PKP2: variants seen among roughly 807,000 people sequenced by gnomAD.
PKP2 encodes the protein plakophilin 2.
PKP2 carries 73 observed loss-of-function variants against 83.4 expected under a neutral mutation model. The observed-to-expected ratio is 0.88, with a 90% confidence interval of 0.72 to 1.06. The LOEUF (loss-of-function observed/expected upper bound fraction) is 1.06. Among genes scored for constraint, PKP2 ranks in the 50% least tolerant of loss-of-function variants. The pLI is 0.00. For missense variants in PKP2, 966 were observed against 1,065.4 expected (o/e 0.91, Z 1.30); for synonymous variants, 409 against 430.4 (o/e 0.95, Z 0.62).
chr12:32,801,993 G>A (rs1956184569), intron 10 of PKP2, among the ~76,000 whole-genome samples: 1 of 152,040 alleles, frequency 6.6e-6, no homozygotes, highest in South Asian at 2.1e-4. Flanking sequence ...CACTATATGT[G>A]TTTTTCAAAT....
chr12:32,870,517 T>C (rs1956886614), intron 3 of PKP2, among the ~76,000 whole-genome samples: 1 of 150,208 alleles, frequency 6.7e-6, no homozygotes, highest in Non-Finnish European at 1.5e-5. Context: ...TTATAATTAG[T>C]AAAAAAAAAA....
intron 9 of PKP2, among the ~76,000 whole-genome samples, chr12:32,817,578 A>G (rs1039549239): frequency 6.6e-6 from 1 of 152,322 alleles, no homozygotes; most frequent in East Asian, 1.9e-4. Flanking sequence ...ATGTCTTAAC[A>G]TGTCTTTTGA....
intron 4 of PKP2, among the ~76,000 whole-genome samples, chr12:32,865,404 G>A (rs1956838521): frequency 6.6e-6 from 1 of 151,070 alleles, no homozygotes; most frequent in Admixed American, 6.6e-5. Context: ...AAATCGGCTG[G>A]GTGCAGTGGC....
chr12:32,820,898 T>C (rs1206321113), intron 9 of PKP2: 2 of 197,692 alleles, frequency 1.0e-5, no homozygotes, highest in Non-Finnish European at 2.1e-5. Flanking sequence ...GGGGGACACA[T>C]TGGGCTGATA....
At chr12:32,850,565 CAAA>C (rs796225848) in intron 5 of PKP2, among the ~76,000 whole-genome samples, 198 bp downstream of exon 5, 3 of 114,200 alleles carry the variant, frequency 2.6e-5, no homozygotes, top group Admixed American at 1.8e-4. Context: ...GATTCTGTCT[CAAA>C]AAAAAAAAAA....
chr12:32,799,042 T>C (rs145528087), intron 10 of PKP2, among the ~76,000 whole-genome samples: 1 of 152,268 alleles, frequency 6.6e-6, no homozygotes, highest in East Asian at 1.9e-4. Flanking sequence ...ATCCAGAATC[T>C]ACAAGGATCT....
chr12:32,889,932 G>C (rs1217375711), intron 1 of PKP2, among the ~76,000 whole-genome samples: 2 of 151,744 alleles, frequency 1.3e-5, no homozygotes, highest in Non-Finnish European at 2.9e-5. Context: ...AAAATTAGCC[G>C]GGTGTGGTGG....
At chr12:32,884,314 C>G (rs750170694) in intron 1 of PKP2, among the ~76,000 whole-genome samples, 139 of 152,154 alleles carry the variant, frequency 9.1e-4, no homozygotes, top group Admixed American at 2.2e-3. Context: ...ATTAGCCGGG[C>G]GTGGTGGCAG....
At position 32,841,184 on chromosome 12, in the gene PKP2, G is replaced by A. The variant is rs1287872807; in HGVS notation, c.1400C>T (p.Ser467Phe). Residue 467 changes from serine (S) to phenylalanine (F), a missense_variant, in exon 6 of 13, where the codon TCT becomes TTT. Coordinates refer to ENST00000340811, the MANE Select transcript of PKP2 (RefSeq NM_001005242.3). ...CATGAGATTCTTGAGTTTGTCATTA[G>A]ATGACAAATTCCACAGCAAACCTAG... is the stretch of plus-strand genomic sequence containing the variant. ...QITGLLWNLS[S>F]NDKLKNLMIT... 2 of 1,613,018 alleles carry A rather than the reference G, an allele frequency of 1.2e-6. No homozygotes were observed. The highest frequency in any genetic ancestry group is 1.7e-6 in the Non-Finnish European group (2 of 1,179,132).
intron 6 of PKP2, among the ~76,000 whole-genome samples, chr12:32,829,818 G>A (rs4931046): frequency 0.061 from 9,261 of 151,940 alleles, 1,011 homozygotes; most frequent in East Asian, 0.54. Flanking sequence ...GTGCCACTGC[G>A]CCCAGCTAAT....
intron 9 of PKP2, chr12:32,820,428 G>C (rs879627735): frequency 1.3e-5 from 2 of 152,084 alleles, no homozygotes; most frequent in African/African-American, 2.4e-5. Flanking sequence ...ACATGGGGAA[G>C]GGAATAACCT....
At chr12:32,838,200 T>C (rs1266177049) in intron 6 of PKP2, among the ~76,000 whole-genome samples, 1 of 152,182 alleles carries the variant, frequency 6.6e-6, no homozygotes, top group Non-Finnish European at 1.5e-5. Flanking sequence ...CTGGAGGCCA[T>C]TATTCTAAGC....
intron 6 of PKP2, among the ~76,000 whole-genome samples, chr12:32,839,569 T>C (rs1244593597): frequency 2.6e-5 from 4 of 151,990 alleles, no homozygotes; most frequent in African/African-American, 9.7e-5. Context: ...AATACGGTCA[T>C]GGTTCCTGGT....
chr12:32,872,408 C>T (rs1400260221), intron 3 of PKP2, among the ~76,000 whole-genome samples: 1 of 152,146 alleles, frequency 6.6e-6, no homozygotes, highest in East Asian at 1.9e-4. Flanking sequence ...GTGGCGGGCA[C>T]CTGTAATCCC....
At chr12:32,867,480 C>T (rs1343424749) in intron 4 of PKP2, among the ~76,000 whole-genome samples, 1 of 152,122 alleles carries the variant, frequency 6.6e-6, no homozygotes, top group Non-Finnish European at 1.5e-5. Flanking sequence ...GTTTTAGTGT[C>T]AAACCTGTCA....
chr12:32,814,486 C>T (rs1437753735), intron 9 of PKP2, among the ~76,000 whole-genome samples: 1 of 152,152 alleles, frequency 6.6e-6, no homozygotes, highest in African/African-American at 2.4e-5. Flanking sequence ...CTCTCCCTCC[C>T]TCCCTCCTAC....
chr12:32,838,934 A>C (rs1448916758), intron 6 of PKP2, among the ~76,000 whole-genome samples: 1 of 152,222 alleles, frequency 6.6e-6, no homozygotes, highest in Admixed American at 6.5e-5. Flanking sequence ...AACATTATGA[A>C]CTTTATCTTT....
At chr12:32,847,906 G>A (rs1354285145) in intron 5 of PKP2, among the ~76,000 whole-genome samples, 1 of 151,896 alleles carries the variant, frequency 6.6e-6, no homozygotes, top group African/African-American at 2.4e-5. Context: ...AACAGCCCAG[G>A]CAGCACAGCG....
chr12:32,818,601 A>G (rs574485391), intron 9 of PKP2, among the ~76,000 whole-genome samples: 7 of 152,344 alleles, frequency 4.6e-5, no homozygotes, highest in Non-Finnish European at 8.8e-5. Flanking sequence ...TCCTTTTGCT[A>G]CTAGAGTGAC....
Sources: gnomAD v4.1 joint callset for allele counts (sites outside exome capture counted in the v4.1 genomes callset) on GRCh38, gnomAD v4.1.1 for gene constraint, MANE v1.5 for transcripts, NCBI Gene and HGNC (gene_info 2026-07-23, HGNC 2026-07-21) for gene names.